Variants in HDC observed in about 807,000 individuals in gnomAD.
The protein encoded by HDC is histidine decarboxylase.
In HDC, 27 loss-of-function variants were observed where a neutral mutation model predicts 64.4. That is an observed-to-expected ratio of 0.42 (90% CI 0.31 to 0.58). The LOEUF (loss-of-function observed/expected upper bound fraction) is 0.58, where lower values mean the gene tolerates loss of function less well. Among genes scored for constraint, HDC ranks in the 20% least tolerant of loss-of-function variants. The probability of loss-of-function intolerance (pLI) is 0.16; values close to 1 mark genes in which losing one functional copy is unlikely to be tolerated. For synonymous variants in HDC, 305 were observed against 314.2 expected (o/e 0.97, Z 0.31); for missense variants, 711 against 833.9 (o/e 0.85, Z 1.81).
At chr15:50,262,765 T>C (rs2045720271) in intron 2 of HDC, among the ~76,000 whole-genome samples, 1 of 152,202 alleles carries the variant, frequency 6.6e-6, no homozygotes, top group African/African-American at 2.4e-5. Flanking sequence ...CTTGCCAGGA[T>C]GTGTTCCCCA....
chr15:50,246,802 G>A (rs1218379001), intron 10 of HDC, among the ~76,000 whole-genome samples: 1 of 152,102 alleles, frequency 6.6e-6, no homozygotes, highest in Non-Finnish European at 1.5e-5. Flanking sequence ...ACCATTCCCC[G>A]CCCACAACCC....
chr15:50,254,648 G>C lies in HDC; in HGVS notation c.458C>G (p.Ser153Cys). The change falls in exon 5 of 12, where the codon TCC becomes TGC. Residue 153 changes from serine (S) to cysteine (C), a missense_variant. Physicochemically the swap from Ser to Cys is moderately radical, Grantham distance 112 (BLOSUM62 -1). This residue lies in a region of HDC where 225 missense variants were observed against 276.2 expected (regional missense o/e 0.81). Coordinates refer to ENST00000267845, the MANE Select transcript of HDC (RefSeq NM_002112.4). Reference protein sequence around the residue: ...GGVLQSTVSESTLIALLAARK... With the variant: ...GGVLQSTVSECTLIALLAARK... ...TGCTGCCAGCAGGGCAATCAAAGTG[G>C]ATTCACTGACCGTGCTCTGCAGGGG... The C allele has an allele frequency of 6.2e-7, 1 of 1,614,026 alleles. No homozygotes were observed. Among genetic ancestry groups the C allele is most frequent in the Non-Finnish European group, 8.5e-7 (1 of 1,179,990 alleles).
At chr15:50,243,610 C>A (rs184704871) in intron 10 of HDC, among the ~76,000 whole-genome samples, 162 of 152,354 alleles carry the variant, frequency 1.1e-3, no homozygotes, top group South Asian at 3.3e-3. Flanking sequence ...CCAGTCCATG[C>A]TCTGCGTTCC....
intron 4 of HDC, 30 bp from the exon 5 acceptor site, chr15:50,254,694 C>A (rs770618753): frequency 1.4e-5 from 22 of 1,612,780 alleles, no homozygotes; most frequent in Non-Finnish European, 1.5e-5. Flanking sequence ...TCATGGCAGC[C>A]TTTCTGTATT....
intron 4 of HDC, 60 bp from the exon 5 acceptor site, chr15:50,254,724 G>GGCTTTCTA: frequency 6.5e-7 from 1 of 1,539,562 alleles, no homozygotes; most frequent in Non-Finnish European, 8.9e-7. Flanking sequence ...AATTTCCCCA[G>GGCTTTCTA]GCTTTCTAGT....
intron 10 of HDC, 64 bp from the exon 11 acceptor site, chr15:50,243,308 T>C (rs1316403980): frequency 9.2e-7 from 1 of 1,090,918 alleles, no homozygotes; most frequent in Non-Finnish European, 1.4e-6. Context: ...GCATAAACTT[T>C]CAGACTGCTA....
chr15:50,242,966 G>C lies in HDC; in HGVS notation c.1283C>G (p.Ala428Gly), dbSNP rs1361013276. ...CLTENVLKEI[A>G]KAGRLFLIPA... ...GATGAGGAAGAGACGGCCAGCTTTA[G>C]CTATTTCCTTTAACACATTTTCTGT... is the stretch of plus-strand genomic sequence containing the variant. The change falls in exon 12 of 12, where the codon GCT becomes GGT. Residue 428 changes from alanine (A) to glycine (G), a missense_variant. Around this residue, in one of 3 missense-constraint regions of HDC, gnomAD observed 483 missense variants for 540.9 expected, o/e 0.89. Transcript: ENST00000267845. The C allele has an allele frequency of 1.2e-6, 2 of 1,614,016 alleles. No homozygotes were observed. Among genetic ancestry groups the C allele is most frequent in the Non-Finnish European group, 8.5e-7 (1 of 1,179,966 alleles).
chr15:50,242,373 T>TCAG lies in HDC; in HGVS notation c.1873_1875dup (p.Leu625dup). On this transcript the variant is annotated inframe_insertion, in exon 12 of 12. Coordinates refer to ENST00000267845, the MANE Select transcript of HDC (RefSeq NM_002112.4). ...ATGAGTTTTTTGAAGGCACTTTTCT[T>TCAG]CAGCATCATCATGTCTTCTGGAAAC... 6.2e-7 allele frequency: 1 copy of TCAG among 1,614,176 alleles called. No individual in the cohort carries two copies. Among genetic ancestry groups the TCAG allele is most frequent in the Non-Finnish European group, 8.5e-7 (1 of 1,180,024 alleles).
chr15:50,245,444 G>C (rs2045468761), intron 10 of HDC, among the ~76,000 whole-genome samples: 1 of 152,162 alleles, frequency 6.6e-6, no homozygotes, highest in African/African-American at 2.4e-5. Flanking sequence ...ATTATAATTA[G>C]ATGAAGAAGG....
In HDC at chr15:50,254,733, G is replaced by GTT. The variant is rs200012989; in HGVS notation, c.442-71_442-70dup. 1.7e-3 allele frequency: 1,799 copies of GTT among 1,074,192 alleles called. 5 individuals carry two copies. Among genetic ancestry groups the GTT allele is most frequent in the East Asian group, 6.2e-3 (216 of 34,724 alleles). 66.5% of individuals were successfully genotyped at this position (1,074,192 alleles called of 1,614,324 possible). Reference sequence around the variant, plus strand: ...TTGCCAAATTTCCCCAGGCTTTCTAGTTTTTTCTCTCTCTCTCTCTCTCTC... The same window carrying GTT: ...TTGCCAAATTTCCCCAGGCTTTCTAGTTTTTTTTCTCTCTCTCTCTCTCTCTC... On this transcript the variant is annotated intron_variant, in intron 4 of 11. Transcript: ENST00000267845.
chr15:50,264,718 G>T (rs1471267761), intron 1 of HDC, among the ~76,000 whole-genome samples: 1 of 152,098 alleles, frequency 6.6e-6, no homozygotes, highest in Admixed American at 6.6e-5. Flanking sequence ...AAGTTCTTAA[G>T]AACAGAACCA....
chr15:50,262,768 G>GT (rs2045720308), intron 2 of HDC, among the ~76,000 whole-genome samples: 1 of 152,188 alleles, frequency 6.6e-6, no homozygotes, highest in Non-Finnish European at 1.5e-5. Context: ...GCCAGGATGT[G>GT]TTCCCCACTT....
intron 5 of HDC, 80 bp downstream of exon 5, chr15:50,254,450 C>G: frequency 6.2e-7 from 1 of 1,600,862 alleles, no homozygotes; most frequent in East Asian, 2.2e-5. Flanking sequence ...GTACTCACGT[C>G]TAGAAAAAAA....
rs553153953 is a variant in HDC at position 50,248,194 on chromosome 15, T to C, written c.1140+51A>G. The C allele has an allele frequency of 4.1e-5, 54 of 1,326,602 alleles. No homozygotes were observed. The highest frequency in any genetic ancestry group is 2.6e-4 in the Admixed American group (15 of 58,534). The allele number at this position is 1,326,602 out of a possible 1,614,324, so 82.2% of individuals were successfully genotyped here. ...AAGTAGAAACCAGCCTTCCTCGCCA[T>C]GAGAAAACAGAGGAACACAGGCTCA... On this transcript the variant is annotated intron_variant, in intron 10 of 11. Coordinates refer to ENST00000267845, the MANE Select transcript of HDC (RefSeq NM_002112.4). This position sits in a 1 kb window ranked among gnomAD's most constrained non-coding sequence, Gnocchi z 4.3.
chr15:50,256,687 C>A (rs1025491451), intron 4 of HDC, among the ~76,000 whole-genome samples: 6 of 152,138 alleles, frequency 3.9e-5, no homozygotes, highest in African/African-American at 1.4e-4. Flanking sequence ...TGTCCAGCCA[C>A]GATTTTTATT....
Position 50,243,228 on chromosome 15 carries a change from T to C in HDC, c.1157A>G (p.Lys386Arg). Residue 386 changes from lysine (K) to arginine (R), a missense_variant, in exon 11 of 12, where the codon AAA becomes AGA. Physicochemically the swap from Lys to Arg is conservative, Grantham distance 26. Around this residue, in one of 3 missense-constraint regions of HDC, gnomAD observed 483 missense variants for 540.9 expected, o/e 0.89. Coordinates refer to ENST00000267845, the MANE Select transcript of HDC (RefSeq NM_002112.4). ...GTTTCTGACCAGAGATTCAAAATATTTAGCCATTTCAGTACCCTGGAATTG... is the reference window on the plus strand; with the variant it reads ...GTTTCTGACCAGAGATTCAAAATATCTAGCCATTTCAGTACCCTGGAATTG... ...AHVRHGTEMA[K>R]YFESLVRNDP... The C allele has an allele frequency of 1.9e-6, 3 of 1,612,076 alleles. No individual in the cohort carries two copies. Among genetic ancestry groups the C allele is most frequent in the Non-Finnish European group, 8.5e-7 (1 of 1,178,090 alleles).
chr15:50,265,095 T>C (rs865912266), intron 1 of HDC, among the ~76,000 whole-genome samples: 1 of 152,356 alleles, frequency 6.6e-6, no homozygotes, highest in Middle Eastern at 3.4e-3. Flanking sequence ...GAGAACTGGA[T>C]AACCACTTGG....
At chr15:50,251,089 A>G (rs1395241078) in intron 9 of HDC, among the ~76,000 whole-genome samples, 6 of 152,216 alleles carry the variant, frequency 3.9e-5, no homozygotes, top group African/African-American at 1.4e-4. Context: ...TAATTTGTAT[A>G]ATCCTCACAG....
chr15:50,264,942 G>A (rs1386466626), intron 1 of HDC, among the ~76,000 whole-genome samples: 1 of 152,210 alleles, frequency 6.6e-6, no homozygotes, highest in Non-Finnish European at 1.5e-5. Flanking sequence ...CTTGCTCTCA[G>A]CTGACAGTGC....
Sources: allele counts gnomAD v4.1 joint callset (sites outside exome capture counted in the v4.1 genomes callset), GRCh38; gene constraint gnomAD v4.1.1; regional missense constraint gnomAD v4.1.1; non-coding constraint Gnocchi (gnomAD v3.1); transcripts MANE v1.5; gene names NCBI Gene and HGNC (gene_info 2026-07-23, HGNC 2026-07-21).